The following CELF2 variants were observed in gnomAD, a reference collection of about 807,000 sequenced individuals.
The protein encoded by CELF2 is CUG triplet repeat RNA-binding protein 2.
CELF2 carries 8 observed loss-of-function variants against 62.6 expected under a neutral mutation model. That is an observed-to-expected ratio of 0.13 (90% CI 0.07 to 0.23). The LOEUF is 0.23. CELF2 is among the 10% of genes least tolerant of loss of function. The probability of loss-of-function intolerance (pLI) is 1.00; values close to 1 mark genes in which losing one functional copy is unlikely to be tolerated. For synonymous variants in CELF2, 258 were observed against 250.0 expected, an observed-to-expected ratio of 1.03 and a Z score of -0.30; for missense variants, 333 against 671.0, an observed-to-expected ratio of 0.50 and a Z score of 5.56.
At chr10:10,579,943 A>G in the CELF2 span, among the ~76,000 whole-genome samples, 1 of 151,896 alleles carries the variant, frequency 6.6e-6, no homozygotes, top group Non-Finnish European at 1.5e-5. Flanking sequence ...GGGGAAAAAA[A>G]TGAGATTTGA....
the CELF2 span, among the ~76,000 whole-genome samples, chr10:10,736,688 A>C: frequency 2.0e-5 from 3 of 152,042 alleles, no homozygotes; most frequent in Non-Finnish European, 4.4e-5. Context: ...AAGAAAAAAA[A>C]TGTCAGAGCT....
intron 1 of CELF2, among the ~76,000 whole-genome samples, chr10:11,118,350 C>T (rs1384534059): frequency 6.6e-6 from 1 of 152,078 alleles, no homozygotes; most frequent in Non-Finnish European, 1.5e-5. Flanking sequence ...CCACATTCAT[C>T]TATGGGGAGT....
chr10:10,883,770 T>C (rs1222087467), intron 1 of CELF2, among the ~76,000 whole-genome samples: 66 of 152,164 alleles, frequency 4.3e-4, no homozygotes, highest in Non-Finnish European at 1.5e-5. Flanking sequence ...TATTTGACCA[T>C]ATTGACCCAC....
At chr10:10,922,360 C>G (rs1314539635) in intron 2 of CELF2, among the ~76,000 whole-genome samples, 1 of 152,106 alleles carries the variant, frequency 6.6e-6, no homozygotes, top group Non-Finnish European at 1.5e-5. Context: ...GTGTGTCTAC[C>G]CACGTTTGGG....
At chr10:10,674,799 TTGTG>T in the CELF2 span, among the ~76,000 whole-genome samples, 1 of 151,786 alleles carries the variant, frequency 6.6e-6, no homozygotes, top group Non-Finnish European at 1.5e-5. Context: ...AGTGTGCCAC[TTGTG>T]TGAGTGTGCC....
rs1469929769 is a variant in CELF2 at position 11,039,905 on chromosome 10, G to GT, written c.74+21747dup. On this transcript the variant is annotated intron_variant, in intron 1 of 12. Transcript: ENST00000633077. This position sits in a 1 kb window ranked among gnomAD's most constrained non-coding sequence, Gnocchi z 4.1. ...TGTTGGGGGTGGGATCTTCCTGTTT[G>GT]TTTTTGTCAAGCTAATATTATTTAC... Among the ~76,000 whole-genome samples, 4 of 152,104 alleles carry GT rather than the reference G, an allele frequency of 2.6e-5. No homozygotes were observed. Among genetic ancestry groups the GT allele is most frequent in the Non-Finnish European group, 5.9e-5 (4 of 68,014 alleles).
chr10:11,076,699 C>T (rs1305910723), intron 1 of CELF2, among the ~76,000 whole-genome samples: 2 of 152,088 alleles, frequency 1.3e-5, no homozygotes, highest in Non-Finnish European at 2.9e-5. Context: ...GATGTGGATT[C>T]ATTAGGGAAA....
At chr10:11,123,661 C>T (rs945904333) in intron 1 of CELF2, among the ~76,000 whole-genome samples, 2 of 152,312 alleles carry the variant, frequency 1.3e-5, no homozygotes, top group Middle Eastern at 6.8e-3. Flanking sequence ...TTGCATGAGA[C>T]ATTTGCTCTT....
At chr10:11,108,589 G>C (rs958198215) in intron 1 of CELF2, among the ~76,000 whole-genome samples, 1 of 152,152 alleles carries the variant, frequency 6.6e-6, no homozygotes, top group Non-Finnish European at 1.5e-5. Context: ...ATCTGGTTCT[G>C]TTCTGAGGCT....
intron 1 of CELF2, among the ~76,000 whole-genome samples, chr10:11,052,459 G>A (rs2064140429): frequency 1.3e-5 from 2 of 152,158 alleles, no homozygotes; most frequent in Admixed American, 1.3e-4. Flanking sequence ...GGGCTCAGAT[G>A]CTGATGCTTG....
At chr10:10,833,862 T>C (rs184001457) in intron 1 of CELF2, among the ~76,000 whole-genome samples, 245 of 152,322 alleles carry the variant, frequency 1.6e-3, no homozygotes, top group African/African-American at 5.8e-3. Context: ...ACCCTGTTGG[T>C]GGAAGTATAA....
intron 1 of CELF2, among the ~76,000 whole-genome samples, chr10:11,160,043 C>T (rs2065346001): frequency 6.6e-6 from 1 of 152,216 alleles, no homozygotes; most frequent in African/African-American, 2.4e-5. Context: ...AGCTCTCCAG[C>T]CTGCAGCCTG....
chr10:11,037,253 A>G (rs1304301350), intron 1 of CELF2, among the ~76,000 whole-genome samples: 1 of 152,182 alleles, frequency 6.6e-6, no homozygotes, highest in Non-Finnish European at 1.5e-5. Flanking sequence ...TTATAAAACC[A>G]TCAGCTCTCC....
At chr10:11,158,344 G>A (rs115352117) in intron 1 of CELF2, among the ~76,000 whole-genome samples, 2,414 of 152,238 alleles carry the variant, frequency 0.016, 76 homozygotes, top group African/African-American at 0.055. Flanking sequence ...CATTGGTGTC[G>A]TCCCTAAAGC....
chr10:10,492,813 G>A, the CELF2 span, among the ~76,000 whole-genome samples: 1 of 152,218 alleles, frequency 6.6e-6, no homozygotes, highest in Admixed American at 6.5e-5. Flanking sequence ...CCTGGTTGGA[G>A]ATGACTGAAT....
intron 1 of CELF2, among the ~76,000 whole-genome samples, chr10:11,118,750 A>T (rs2057101981): frequency 6.6e-6 from 1 of 152,198 alleles, no homozygotes; most frequent in Non-Finnish European, 1.5e-5. Context: ...CTGTACAAGG[A>T]TGAGAAAATC....
the CELF2 span, among the ~76,000 whole-genome samples, chr10:10,607,709 C>T: frequency 6.6e-6 from 1 of 152,176 alleles, no homozygotes; most frequent in Non-Finnish European, 1.5e-5. Context: ...CAATTAGATT[C>T]AGCGTTTGCC....
At chr10:10,707,410 C>A in the CELF2 span, among the ~76,000 whole-genome samples, 1 of 151,928 alleles carries the variant, frequency 6.6e-6, no homozygotes, top group Non-Finnish European at 1.5e-5. Context: ...AATTGTTCAC[C>A]CAAATGAAGT....
chr10:11,236,418 T>C (rs2071315403), intron 3 of CELF2, among the ~76,000 whole-genome samples: 1 of 152,234 alleles, frequency 6.6e-6, no homozygotes, highest in South Asian at 2.1e-4. Flanking sequence ...GGATGGAGGA[T>C]GCCTTGCGTT....
Sources: gnomAD v4.1 joint callset for allele counts (sites outside exome capture counted in the v4.1 genomes callset) on GRCh38, gnomAD v4.1.1 for gene constraint, Gnocchi (gnomAD v3.1) non-coding constraint, MANE v1.5 for transcripts, NCBI Gene and HGNC (gene_info 2026-07-23, HGNC 2026-07-21) for gene names.